PRDM1: variants seen among roughly 807,000 people sequenced by gnomAD.
The protein encoded by PRDM1 is PR/SET domain 1.
A neutral mutation model predicts 62.8 loss-of-function variants in PRDM1; 13 were observed. The ratio of observed to expected loss-of-function variants is 0.21; its 90% CI spans 0.13 to 0.33. The LOEUF is 0.33. Among genes scored for constraint, PRDM1 ranks in the 10% least tolerant of loss-of-function variants. The probability of loss-of-function intolerance (pLI) is 1.00; values close to 1 mark genes in which losing one functional copy is unlikely to be tolerated. For missense variants in PRDM1, 895 were observed against 1,058.8 expected, an observed-to-expected ratio of 0.85 and a Z score of 2.15; for synonymous variants, 396 against 417.6, an observed-to-expected ratio of 0.95 and a Z score of 0.63.
chr6:106,107,704 A>G lies in PRDM1; in HGVS notation c.*218A>G, dbSNP rs1774543125. 4.6e-6 allele frequency: 1 copy of G among 215,786 alleles called. No individual in the cohort carries two copies. The highest frequency in any genetic ancestry group is 6.9e-5 in the East Asian group (1 of 14,476). The allele number at this position is 215,786 out of a possible 1,614,324, so 13.4% of individuals were successfully genotyped here. A position where few individuals can be genotyped will look rare whatever the true frequency, so the allele number is the denominator to read the frequency against. On this transcript the variant is annotated 3_prime_UTR_variant, in exon 7 of 7. Coordinates refer to ENST00000369096, the MANE Select transcript of PRDM1 (RefSeq NM_001198.4). ...TATATATATATATATATATATCTGT[A>G]TACATATTATATATACTTATTTACA...
intron 1 of PRDM1, among the ~76,000 whole-genome samples, chr6:106,007,417 G>A (rs544856750): frequency 1.3e-5 from 2 of 149,712 alleles, no homozygotes; most frequent in East Asian, 1.9e-4. Context: ...GTGACAGAGC[G>A]AGATCCATCT....
chr6:106,086,291 G>C (rs953067988), upstream of PRDM1: 22 of 419,136 alleles, frequency 5.2e-5, no homozygotes, highest in Non-Finnish European at 1.7e-5. Context: ...TCGCGCAGCC[G>C]AGTGGCTAAG....
chr6:106,016,523 A>C (rs1433723742), intron 1 of PRDM1, among the ~76,000 whole-genome samples: 1 of 151,808 alleles, frequency 6.6e-6, no homozygotes, highest in Non-Finnish European at 1.5e-5. Flanking sequence ...CAAATGACTA[A>C]ATGGTAGATG....
upstream of PRDM1, chr6:106,086,315 G>C (rs1773801383): frequency 2.3e-6 from 1 of 441,864 alleles, no homozygotes; most frequent in Non-Finnish European, 4.0e-6. Flanking sequence ...ATCTTAAGCA[G>C]GGAGGGGAAG....
intron 2 of PRDM1, among the ~76,000 whole-genome samples, chr6:106,088,837 T>C (rs1205072677): frequency 6.6e-6 from 1 of 152,252 alleles, no homozygotes; most frequent in Non-Finnish European, 1.5e-5. Flanking sequence ...AGTTTTAATA[T>C]TTCTTTTGTC....
intron 1 of PRDM1, among the ~76,000 whole-genome samples, chr6:106,012,637 C>G (rs1772572449): frequency 6.6e-6 from 1 of 152,094 alleles, no homozygotes; most frequent in South Asian, 2.1e-4. Flanking sequence ...TACCCCCCTA[C>G]ACACTCAGCC....
At chr6:106,068,511 G>A (rs151109393) in intron 1 of PRDM1, among the ~76,000 whole-genome samples, 1 of 152,158 alleles carries the variant, frequency 6.6e-6, no homozygotes, top group Non-Finnish European at 1.5e-5. Flanking sequence ...ATAGTATCTT[G>A]TAAACCATTC....
upstream of PRDM1, among the ~76,000 whole-genome samples, chr6:106,085,690 T>G (rs1326814669): frequency 6.6e-6 from 1 of 152,182 alleles, no homozygotes; most frequent in Non-Finnish European, 1.5e-5. Context: ...CTTACACTCC[T>G]GGGAAGTCAG....
intron 1 of PRDM1, among the ~76,000 whole-genome samples, chr6:106,052,115 G>T (rs115255194): frequency 4.6e-5 from 7 of 152,160 alleles, no homozygotes; most frequent in Admixed American, 2.0e-4. Flanking sequence ...TTGCCCCACA[G>T]TGTGAATCTA....
rs1421527421 is a variant in PRDM1 at position 106,006,590 on chromosome 6, T to C, written c.-67+12951T>C. Among the ~76,000 whole-genome samples the C allele has an allele frequency of 3.3e-5, 5 of 151,794 alleles. 1 individual carries two copies. The highest frequency in any genetic ancestry group is 7.3e-5 in the African/African-American group (3 of 41,374). On this transcript the variant is annotated intron_variant, in intron 1 of 6. Coordinates refer to the PRDM1 transcript ENST00000652320. ...CTCCACCTCATCTCCTCACCAAAAA[T>C]AGATAAAAATAAAAAGAGGGAAGAA... is the stretch of plus-strand genomic sequence containing the variant.
intron 1 of PRDM1, among the ~76,000 whole-genome samples, chr6:106,053,462 C>T (rs1226375666): frequency 6.6e-6 from 1 of 151,708 alleles, no homozygotes; most frequent in East Asian, 1.9e-4. Context: ...AGAAAAAACA[C>T]AGTTGAGACC....
At chr6:106,086,322 G>A (rs191284166), upstream of PRDM1, 575 of 445,260 alleles carry the variant, frequency 1.3e-3, 4 homozygotes, top group African/African-American at 0.011. Context: ...GCAGGGAGGG[G>A]AAGCCAGACG....
intron 1 of PRDM1, among the ~76,000 whole-genome samples, chr6:106,034,791 A>G (rs1166052496): frequency 1.3e-5 from 2 of 151,552 alleles, no homozygotes; most frequent in Admixed American, 6.6e-5. Flanking sequence ...ACCACCACGC[A>G]TGGCTAGTTT....
intron 1 of PRDM1, among the ~76,000 whole-genome samples, chr6:106,052,888 A>T (rs1010088443): frequency 6.6e-6 from 1 of 152,010 alleles, no homozygotes; most frequent in Non-Finnish European, 1.5e-5. Flanking sequence ...GAATCATTGA[A>T]CTGGGAAGAC....
chr6:106,010,603 C>T (rs1436712638), intron 1 of PRDM1, among the ~76,000 whole-genome samples: 1 of 152,102 alleles, frequency 6.6e-6, no homozygotes, highest in Non-Finnish European at 1.5e-5. Flanking sequence ...GCTAATTGAC[C>T]TTATCACCTC....
intron 1 of PRDM1, among the ~76,000 whole-genome samples, chr6:105,997,118 CAG>C (rs750693738): frequency 5.9e-5 from 9 of 152,180 alleles, no homozygotes; most frequent in Non-Finnish European, 1.2e-4. Flanking sequence ...ACTGTAAGGA[CAG>C]GGGTAAAAAG....
At chr6:105,997,657 T>C (rs1281590200) in intron 1 of PRDM1, among the ~76,000 whole-genome samples, 1 of 152,236 alleles carries the variant, frequency 6.6e-6, no homozygotes, top group Non-Finnish European at 1.5e-5. Context: ...GGAAGTAGGT[T>C]GGAGGGGTTA....
At chr6:105,993,456 C>T (rs1411149030), upstream of PRDM1, among the ~76,000 whole-genome samples, 1 of 152,168 alleles carries the variant, frequency 6.6e-6, no homozygotes, top group Admixed American at 6.5e-5. Context: ...GCTGCTTTGA[C>T]GTTTCTCCTC....
At chr6:106,046,317 T>G (rs577058454), upstream of PRDM1, 1 of 152,068 alleles carries the variant, frequency 6.6e-6, no homozygotes, top group South Asian at 2.1e-4. Context: ...AGGAGGTGGT[T>G]GGTCTCCAAG....
Sources: allele counts gnomAD v4.1 joint callset (sites outside exome capture counted in the v4.1 genomes callset), GRCh38; gene constraint gnomAD v4.1.1; transcripts MANE v1.5; gene names NCBI Gene and HGNC (gene_info 2026-07-23, HGNC 2026-07-21).